The following PIK3C2G variants were observed in gnomAD, a reference collection of about 807,000 sequenced individuals.
PIK3C2G encodes the protein phosphatidylinositol-4-phosphate 3-kinase catalytic subunit type 2 gamma.
In PIK3C2G, 168 loss-of-function variants were observed where a neutral mutation model predicts 181.1. The ratio of observed to expected loss-of-function variants is 0.93; its 90% CI spans 0.82 to 1.05. The LOEUF (loss-of-function observed/expected upper bound fraction) is 1.05. Ranked by LOEUF, PIK3C2G falls within the 50% of genes least tolerant of loss-of-function variation. PIK3C2G has a pLI of 0.00. For synonymous variants in PIK3C2G, 573 were observed against 592.2 expected, an observed-to-expected ratio of 0.97 and a Z score of 0.47; for missense variants, 1,869 against 1,732.8, an observed-to-expected ratio of 1.08 and a Z score of -1.40.
chr12:18,590,117 G>GTT (rs35341019), intron 29 of PIK3C2G, among the ~76,000 whole-genome samples: 327 of 141,926 alleles, frequency 2.3e-3, no homozygotes, highest in East Asian at 5.9e-3. Context: ...TAAATTCAGA[G>GTT]TTTTTTTTTT....
At chr12:18,653,126 C>G (rs1367937084), downstream of PIK3C2G, among the ~76,000 whole-genome samples, 3 of 152,136 alleles carry the variant, frequency 2.0e-5, no homozygotes, top group Admixed American at 2.0e-4. Flanking sequence ...GGTTATAGAT[C>G]ATTGCCTGGC....
intron 18 of PIK3C2G, among the ~76,000 whole-genome samples, chr12:18,452,252 G>A (rs1399290362): frequency 6.6e-6 from 1 of 152,068 alleles, no homozygotes; most frequent in South Asian, 2.1e-4. Context: ...TTTTAAATTT[G>A]TTATTGGTCT....
At chr12:18,275,601 T>C (rs561485033) in intron 1 of PIK3C2G, among the ~76,000 whole-genome samples, 1 of 152,282 alleles carries the variant, frequency 6.6e-6, no homozygotes, top group South Asian at 2.1e-4. Flanking sequence ...CAGGCTGGCC[T>C]CAAACTCCTG....
At chr12:18,725,949 T>G in the PIK3C2G span, among the ~76,000 whole-genome samples, 16 of 152,116 alleles carry the variant, frequency 1.1e-4, no homozygotes, top group Non-Finnish European at 1.9e-4. Flanking sequence ...CACTTTCTTC[T>G]CTTACAGGCC....
At chr12:18,417,645 A>G (rs1945255370) in intron 16 of PIK3C2G, among the ~76,000 whole-genome samples, 1 of 152,200 alleles carries the variant, frequency 6.6e-6, no homozygotes, top group Non-Finnish European at 1.5e-5. Context: ...TTAGCAACAA[A>G]GTATTTTTAA....
chr12:18,275,986 A>T (rs1948969685), intron 1 of PIK3C2G, among the ~76,000 whole-genome samples: 2 of 152,236 alleles, frequency 1.3e-5, no homozygotes, highest in Admixed American at 1.3e-4. Flanking sequence ...CTAATTCATT[A>T]CTAAAAGAAC....
intron 18 of PIK3C2G, among the ~76,000 whole-genome samples, chr12:18,434,036 A>T (rs2135780468): frequency 6.6e-6 from 1 of 152,302 alleles, no homozygotes; most frequent in Non-Finnish European, 1.5e-5. Flanking sequence ...AATAAACAAC[A>T]GAAATTATTT....
At chr12:18,328,765 G>T (rs888459714) in intron 8 of PIK3C2G, among the ~76,000 whole-genome samples, 3 of 151,918 alleles carry the variant, frequency 2.0e-5, no homozygotes, top group African/African-American at 7.2e-5. Context: ...TTAAGAAAAG[G>T]TGAGTACCCG....
chr12:18,672,613 C>G, the PIK3C2G span, among the ~76,000 whole-genome samples: 15 of 152,108 alleles, frequency 9.9e-5, no homozygotes, highest in Non-Finnish European at 1.0e-4. Flanking sequence ...CATGTAGTTT[C>G]ATTATTTGAC....
chr12:18,470,787 T>A (rs1938378425), intron 18 of PIK3C2G, among the ~76,000 whole-genome samples: 1 of 152,080 alleles, frequency 6.6e-6, no homozygotes, highest in South Asian at 2.1e-4. Flanking sequence ...TGGTTCTCAA[T>A]GTCAACAGAA....
At chr12:18,721,728 A>G in the PIK3C2G span, among the ~76,000 whole-genome samples, 6 of 151,906 alleles carry the variant, frequency 3.9e-5, no homozygotes, top group African/African-American at 1.5e-4. Context: ...AAAAAAAAAA[A>G]AAAGTCATCT....
At chr12:18,512,323 T>C (rs957007967) in intron 24 of PIK3C2G, among the ~76,000 whole-genome samples, 1 of 152,066 alleles carries the variant, frequency 6.6e-6, no homozygotes. Flanking sequence ...ATGATAAGGA[T>C]TGTTTGTCCA....
At chr12:18,300,481 A>T (rs1230193787) in intron 5 of PIK3C2G, among the ~76,000 whole-genome samples, 2 of 151,998 alleles carry the variant, frequency 1.3e-5, no homozygotes, top group African/African-American at 2.4e-5. Context: ...ATATCTTTAC[A>T]TCCCTTCACT....
At chr12:18,461,676 A>C (rs796439297) in intron 18 of PIK3C2G, among the ~76,000 whole-genome samples, 15 of 152,324 alleles carry the variant, frequency 9.8e-5, no homozygotes, top group African/African-American at 3.6e-4. Context: ...TTTATAAAAG[A>C]AGCTCCAGAA....
At chr12:18,378,120 C>T (rs1942580727) in intron 13 of PIK3C2G, among the ~76,000 whole-genome samples, 1 of 152,156 alleles carries the variant, frequency 6.6e-6, no homozygotes. Context: ...TCCAAGACTC[C>T]ATCAAAGGAC....
intron 13 of PIK3C2G, among the ~76,000 whole-genome samples, chr12:18,379,551 A>T (rs2137947946): frequency 6.6e-6 from 1 of 152,288 alleles, no homozygotes; most frequent in African/African-American, 2.4e-5. Context: ...AATTTCTCAC[A>T]CCCTGGCTCT....
chr12:18,271,483 C>A (rs1424905005), intron 1 of PIK3C2G, among the ~76,000 whole-genome samples: 1 of 152,052 alleles, frequency 6.6e-6, no homozygotes, highest in Non-Finnish European at 1.5e-5. Flanking sequence ...ACATTCAGGG[C>A]AATGAGATGT....
At chr12:18,721,325 G>A in the PIK3C2G span, among the ~76,000 whole-genome samples, 1 of 151,978 alleles carries the variant, frequency 6.6e-6, no homozygotes, top group African/African-American at 2.4e-5. Flanking sequence ...GCAGCATTTG[G>A]AACTATAAGA....
intron 31 of PIK3C2G, among the ~76,000 whole-genome samples, chr12:18,627,472 G>A (rs1378807037): frequency 1.3e-5 from 2 of 152,024 alleles, no homozygotes; most frequent in Non-Finnish European, 2.9e-5. Context: ...ATTGGTGTTT[G>A]TGCATTTGTG....
Sources: gnomAD v4.1 joint callset for allele counts (sites outside exome capture counted in the v4.1 genomes callset) on GRCh38, gnomAD v4.1.1 for gene constraint, MANE v1.5 for transcripts, NCBI Gene and HGNC (gene_info 2026-07-23, HGNC 2026-07-21) for gene names.